Variants in ZFHX2 observed in about 807,000 individuals in gnomAD.
The protein encoded by ZFHX2 is zinc finger homeobox protein 2.
In ZFHX2, 75 loss-of-function variants were observed where a neutral mutation model predicts 164.8. The observed-to-expected ratio is 0.46, with a 90% CI of 0.38 to 0.55. The LOEUF (loss-of-function observed/expected upper bound fraction) is 0.55, where lower values mean the gene tolerates loss of function less well. ZFHX2 is among the 20% of genes least tolerant of loss of function. The probability of loss-of-function intolerance (pLI) is 0.00; values close to 1 mark genes in which losing one functional copy is unlikely to be tolerated. For synonymous variants in ZFHX2, 1,217 were observed against 1,351.4 expected (o/e 0.90, Z 2.18); for missense variants, 2,933 against 3,308.0 (o/e 0.89, Z 2.78).
rs1294757037 is a variant in ZFHX2, at chr14:23,533,069, G to T, written c.2057C>A (p.Ser686Tyr). 10 of 1,530,304 alleles carry T rather than the reference G, an allele frequency of 6.5e-6. No homozygotes were observed. The highest frequency in any genetic ancestry group is 1.2e-5 in the South Asian group (1 of 83,292). 94.8% of individuals were successfully genotyped at this position (1,530,304 alleles called of 1,614,324 possible). A position where few individuals can be genotyped will look rare whatever the true frequency, so the allele number is the denominator to read the frequency against. ...ACTTGGAGGCAGGTGGGCATCAGGG[G>T]ATAGGCTTCCAGGGGCTAGAGGACA... ...KFPTSAPGSL[S>Y]PDAHLPPSQL... Residue 686 changes from serine (S) to tyrosine (Y), a missense_variant, in exon 3 of 10, where the codon TCC (serine) becomes TAC (tyrosine). Ser to Tyr is a moderately radical substitution (Grantham distance 144). Coordinates refer to ENST00000419474, the MANE Select transcript of ZFHX2 (RefSeq NM_033400.3). This position sits in a 1 kb window ranked among gnomAD's most constrained non-coding sequence, Gnocchi z 4.8.
At position 23,526,081 on chromosome 14, in the gene ZFHX2, CCCTT is replaced by C; in HGVS notation, c.3857_3860del (p.Glu1286GlyfsTer92). On this transcript the variant is annotated frameshift_variant, in exon 9 of 10. Coordinates refer to ENST00000419474, the MANE Select transcript of ZFHX2 (RefSeq NM_033400.3). LOFTEE classifies it high-confidence loss of function. ...TGGGCTCTTCTTGGCTGCGTTCTGG[CCCTT>C]CAATCTTGGAATCAGTCTTGGTTCC... 1 of 1,536,492 alleles carries C rather than the reference CCCTT, an allele frequency of 6.5e-7. No individual in the cohort carries two copies. Among genetic ancestry groups the C allele is most frequent in the Non-Finnish European group, 8.7e-7 (1 of 1,146,956 alleles).
Position 23,524,168 on chromosome 14 carries a change from G to A in ZFHX2, c.5774C>T (p.Pro1925Leu), listed in dbSNP as rs1877319188. 1 of 1,536,046 alleles carries A rather than the reference G, an allele frequency of 6.5e-7. No individual in the cohort carries two copies. The highest frequency in any genetic ancestry group is 8.7e-7 in the Non-Finnish European group (1 of 1,146,876). ...GGCAGGCGGTTTCACTGCTGGACTA[G>A]GCACCCCCCCAGGGGTGCTTCGAAA... Reference protein sequence around the residue: ...GQFRSTPGGVPSPAVKPPATA... With the variant: ...GQFRSTPGGVLSPAVKPPATA... The change falls in exon 9 of 10, where the codon CCT becomes CTT. Residue 1925 changes from proline (P) to leucine (L), a missense_variant. By Grantham distance (98) the Pro-to-Leu change is moderately conservative (BLOSUM62 -3). Coordinates refer to ENST00000419474, the MANE Select transcript of ZFHX2 (RefSeq NM_033400.3). The surrounding 1 kb of genome is among the most constrained non-coding windows in gnomAD (Gnocchi z 5.6).
At chr14:23,529,486 T>C in intron 6 of ZFHX2, 1 of 549,966 alleles carries the variant, frequency 1.8e-6, no homozygotes, top group Non-Finnish European at 3.3e-6. Context: ...AAGTTCCTGC[T>C]GTCTCCCTCC....
rs1366963895 is a variant in ZFHX2 at position 23,532,855 on chromosome 14, G to A, written c.2271C>T (p.Thr757=). The A allele has an allele frequency of 6.5e-7, 1 of 1,536,266 alleles. No homozygotes were observed. The highest frequency in any genetic ancestry group is 8.7e-7 in the Non-Finnish European group (1 of 1,146,950). ...CATAGCAGCAAAGCTTGCAGCGGTG[G>A]GTGTCACCAGCCACCTCCTTCCATT... ...EAEWKEVAGD[T]HRCKLCCYGT... Residue 757 remains threonine (T), a synonymous_variant, in exon 3 of 10, where the codon ACC becomes ACT. Coordinates refer to ENST00000419474, the MANE Select transcript of ZFHX2 (RefSeq NM_033400.3).
chr14:23,552,317 G>A (rs12431716), upstream of ZFHX2, among the ~76,000 whole-genome samples: 12,854 of 146,404 alleles, frequency 0.088, 828 homozygotes, highest in East Asian at 0.24. Context: ...TTCTGGAGAC[G>A]GAGTCTCACT....
chr14:23,537,424 C>G (rs1274445557), intron 1 of ZFHX2, among the ~76,000 whole-genome samples: 1 of 152,066 alleles, frequency 6.6e-6, no homozygotes, highest in African/African-American at 2.4e-5. Context: ...GGCGTGGCCT[C>G]TCTTTTCCTG....
intron 1 of ZFHX2, chr14:23,544,423 G>A (rs1350159046): frequency 6.6e-6 from 1 of 152,420 alleles, no homozygotes; most frequent in East Asian, 1.9e-4. Context: ...TCCTGTGTTG[G>A]GGTATGTGTA....
intron 1 of ZFHX2, among the ~76,000 whole-genome samples, chr14:23,540,907 TTC>T (rs1264875552): frequency 2.6e-5 from 4 of 152,020 alleles, no homozygotes; most frequent in South Asian, 4.2e-4. Context: ...TTTTTCTTTT[TTC>T]TCTCTTTTTT....
chr14:23,530,625 A>G, intron 4 of ZFHX2: 1 of 358,518 alleles, frequency 2.8e-6, no homozygotes, highest in South Asian at 2.2e-5. Flanking sequence ...AGAGGAGATT[A>G]CCGCTCAAGT....
rs950791986 is a variant in ZFHX2 at position 23,535,881 on chromosome 14, C to T, written c.-49-507G>A. ...TGCTAGGATTATAGGCGTGAGCCAC[C>T]GCGCCCAGCCTAGAACTCTTTATTT... is the stretch of plus-strand genomic sequence containing the variant. On this transcript the variant is annotated intron_variant, in intron 1 of 9. Transcript: ENST00000419474. This position sits in a 1 kb window ranked among gnomAD's most constrained non-coding sequence, Gnocchi z 4.5. 2.6e-5 allele frequency among the ~76,000 whole-genome samples: 4 copies of T among 152,158 alleles called. No individual in the cohort carries two copies. In the East Asian group the frequency reaches 5.8e-4, roughly 22 times the overall value.
Position 23,526,377 on chromosome 14 carries a change from G to A in ZFHX2, c.3565C>T (p.Arg1189Trp), listed in dbSNP as rs1406537400. ...FALDKFLDPA[R>W]PYKCTVCKES... ...TTACACACAGTGCACTTATAGGGCC[G>A]GGCAGGGTCGAGAAACTTGTCCAGG... Residue 1189 changes from arginine to tryptophan, a missense_variant, in exon 9 of 10, where the codon CGG becomes TGG. Physicochemically the swap from Arg to Trp is moderately radical, Grantham distance 101. Transcript: ENST00000419474. The A allele has an allele frequency of 1.4e-5, 22 of 1,536,368 alleles. No homozygotes were observed. The highest frequency in any genetic ancestry group is 2.4e-5 in the East Asian group (1 of 40,878).
At chr14:23,540,075 C>T (rs1435979857) in intron 1 of ZFHX2, among the ~76,000 whole-genome samples, 4 of 152,222 alleles carry the variant, frequency 2.6e-5, no homozygotes, top group Admixed American at 2.0e-4. Context: ...GCAGACTCTG[C>T]CTCCTAGACT....
At chr14:23,527,398 G>A (rs967245350) in intron 7 of ZFHX2, among the ~76,000 whole-genome samples, 1 of 152,152 alleles carries the variant, frequency 6.6e-6, no homozygotes. Flanking sequence ...ACATGCACTT[G>A]CCTGAATACT....
Position 23,546,178 on chromosome 14 carries a change from T to C in ZFHX2, c.-50+5165A>G, listed in dbSNP as rs1433232175. Reference sequence around the variant, plus strand: ...ATGCATAAACTGCTCTGCAGAGAGGTCTTGCACACCCTGGAACATTCATGT... The same window carrying C: ...ATGCATAAACTGCTCTGCAGAGAGGCCTTGCACACCCTGGAACATTCATGT... On this transcript the variant is annotated intron_variant, in intron 1 of 9. Coordinates refer to ENST00000419474, the MANE Select transcript of ZFHX2 (RefSeq NM_033400.3). The surrounding 1 kb of genome is among the most constrained non-coding windows in gnomAD (Gnocchi z 4.7). 6.6e-6 allele frequency among the ~76,000 whole-genome samples: 1 copy of C among 152,150 alleles called. No homozygotes were observed. Among genetic ancestry groups the C allele is most frequent in the Non-Finnish European group, 1.5e-5 (1 of 68,012 alleles).
intron 9 of ZFHX2, 37 bp from the exon 10 acceptor site, chr14:23,522,978 C>T: frequency 1.4e-6 from 2 of 1,428,438 alleles, no homozygotes; most frequent in African/African-American, 1.4e-5. Context: ...GATTAGCCAT[C>T]TCCTGTCCCA....
chr14:23,524,857 G>C lies in ZFHX2; in HGVS notation c.5085C>G (p.Asp1695Glu), dbSNP rs748951205. ...LVRHLKKCYD[D>E]QTLEEEEEEA... is the part of the protein sequence containing the mutation. ...CTTCCTCCTCCTCTTCAAGGGTCTG[G>C]TCATCATAGCACTTCTTGAGGTGGC... Residue 1695 changes from aspartate (D) to glutamate (E), a missense_variant, in exon 9 of 10, where the codon GAC becomes GAG. Transcript: ENST00000419474. This position sits in a 1 kb window ranked among gnomAD's most constrained non-coding sequence, Gnocchi z 5.6. 5.2e-6 allele frequency: 8 copies of C among 1,536,476 alleles called. No individual in the cohort carries two copies. The Admixed American group carries it at 1.2e-4, about 23-fold the overall frequency.
In ZFHX2 at chr14:23,534,294, G is replaced by A. The variant is rs953442181; in HGVS notation, c.1032C>T (p.Ser344=). ...AGGTGGCTGTGGGTGGAGAGGGTGG[G>A]CTGAGGGCCATAACTTCTTCATCCA... ...ILLDEEVMAL[S]PPSPPTATWD... Residue 344 remains serine, a synonymous_variant, in exon 2 of 10, where the codon AGC becomes AGT. Coordinates refer to ENST00000419474, the MANE Select transcript of ZFHX2 (RefSeq NM_033400.3). The surrounding 1 kb of genome is among the most constrained non-coding windows in gnomAD (Gnocchi z 4.5). 3.8e-5 allele frequency: 58 copies of A among 1,534,188 alleles called. No homozygotes were observed. Among genetic ancestry groups the A allele is most frequent in the Non-Finnish European group, 4.6e-5 (53 of 1,145,334 alleles).
In ZFHX2 at chr14:23,526,380, C is replaced by T; in HGVS notation, c.3562G>A (p.Ala1188Thr). ...NFALDKFLDP[A>T]RPYKCTVCKE... ...CACACAGTGCACTTATAGGGCCGGG[C>T]AGGGTCGAGAAACTTGTCCAGGGCA... The change falls in exon 9 of 10, where the codon GCC becomes ACC. Residue 1188 changes from alanine (A) to threonine (T), a missense_variant. Coordinates refer to ENST00000419474, the MANE Select transcript of ZFHX2 (RefSeq NM_033400.3). 6.5e-7 allele frequency: 1 copy of T among 1,536,294 alleles called. No individual in the cohort carries two copies. Among genetic ancestry groups the T allele is most frequent in the Non-Finnish European group, 8.7e-7 (1 of 1,146,878 alleles).
chr14:23,526,009 A>G lies in ZFHX2; in HGVS notation c.3933T>C (p.Pro1311=). 6.5e-7 allele frequency: 1 copy of G among 1,533,752 alleles called. No homozygotes were observed. The highest frequency in any genetic ancestry group is 8.7e-7 in the Non-Finnish European group (1 of 1,145,482). ...EGEVGTEKKG[P]DTSGFISGLP... Reference sequence around the variant, plus strand: ...ATCCAGATATGAAGCCACTGGTGTCAGGGCCCTTCTTCTCAGTGCCCACCT... The same window carrying G: ...ATCCAGATATGAAGCCACTGGTGTCGGGGCCCTTCTTCTCAGTGCCCACCT... The change falls in exon 9 of 10, where the codon CCT becomes CCC. Residue 1311 remains proline, a synonymous_variant. Coordinates refer to ENST00000419474, the MANE Select transcript of ZFHX2 (RefSeq NM_033400.3).
Sources: allele counts gnomAD v4.1 joint callset (sites outside exome capture counted in the v4.1 genomes callset), GRCh38; gene constraint gnomAD v4.1.1; non-coding constraint Gnocchi (gnomAD v3.1); transcripts MANE v1.5; gene names NCBI Gene and HGNC (gene_info 2026-07-23, HGNC 2026-07-21).